Variants in ENY2 observed in about 807,000 individuals in gnomAD.
ENY2 encodes transcription and mRNA export factor ENY2.
In ENY2, 4 loss-of-function variants were observed where a neutral mutation model predicts 15.9. The ratio of observed to expected loss-of-function variants is 0.25; its 90% CI spans 0.12 to 0.57. The LOEUF (loss-of-function observed/expected upper bound fraction) is 0.57. Ranked by LOEUF, ENY2 falls within the 20% of genes least tolerant of loss-of-function variation. The probability of loss-of-function intolerance (pLI) is 0.91; values close to 1 mark genes in which losing one functional copy is unlikely to be tolerated. For synonymous variants in ENY2, 48 were observed against 38.0 expected (o/e 1.26, Z -0.97); for missense variants, 54 against 117.2 (o/e 0.46, Z 2.49).
intron 4 of ENY2, chr8:109,340,805 G>A (rs964531015): frequency 3.2e-5 from 13 of 403,146 alleles, no homozygotes; most frequent in African/African-American, 2.3e-4. Flanking sequence ...AGTTGTTCAA[G>A]CAAATAATTT....
At chr8:109,334,812 C>T (rs1160748110) in intron 1 of ENY2, 3 of 393,764 alleles carry the variant, frequency 7.6e-6, no homozygotes, top group South Asian at 4.1e-5. Flanking sequence ...GGAGCCAAGA[C>T]GAGATCAAGT....
At position 109,334,377 on chromosome 8, in the gene ENY2, C is replaced by T. The variant is rs1586322433; in HGVS notation, c.-92C>T. Reference sequence around the variant, plus strand: ...CTTAGGTGCCCGAGCTACTGAGGGTCTAAGTCCGGGCAGCCGAAGAGTGTG... The same window carrying T: ...CTTAGGTGCCCGAGCTACTGAGGGTTTAAGTCCGGGCAGCCGAAGAGTGTG... On this transcript the variant is annotated 5_prime_UTR_variant, in exon 1 of 5. Transcript: ENST00000521688. 2.5e-6 allele frequency: 4 copies of T among 1,586,976 alleles called. No homozygotes were observed. The Admixed American group carries it at 5.1e-5, about 20-fold the overall frequency.
intron 2 of ENY2, 134 bp from the exon 3 acceptor site, chr8:109,339,186 C>A: frequency 2.9e-6 from 2 of 686,344 alleles, no homozygotes; most frequent in Non-Finnish European, 2.5e-6. Context: ...GCATTTGAAC[C>A]AAGATTAGGC....
In ENY2 at chr8:109,334,354, T is replaced by C. The variant is rs1815900925; in HGVS notation, c.-115T>C. The C allele has an allele frequency of 2.7e-6, 4 of 1,487,962 alleles. No homozygotes were observed. In the South Asian group the frequency reaches 3.5e-5, roughly 13 times the overall value. The allele number at this position is 1,487,962 out of a possible 1,614,324, so 92.2% of individuals were successfully genotyped here. The stretch of plus-strand genomic sequence containing the variant: ...TGCGTGTTCTAGCTTTCTGTGTGCT[T>C]AGGTGCCCGAGCTACTGAGGGTCTA... On this transcript the variant is annotated 5_prime_UTR_variant, in exon 1 of 5. Coordinates refer to ENST00000521688, the MANE Select transcript of ENY2 (RefSeq NM_020189.6).
At chr8:109,340,705 T>G in intron 4 of ENY2, 142 bp downstream of exon 4, 1 of 965,224 alleles carries the variant, frequency 1.0e-6, no homozygotes, top group South Asian at 1.7e-5. Context: ...ATTGCCTACC[T>G]GCCTCCTAGC....
intron 4 of ENY2, 36 bp from the exon 5 acceptor site, chr8:109,343,369 C>CCTTCTTACT (rs780398751): frequency 6.5e-7 from 1 of 1,528,992 alleles, no homozygotes. Context: ...TTAATTGGTA[C>CCTTCTTACT]CTTCTTACTC....
At chr8:109,335,824 C>A in intron 1 of ENY2, 1 of 200,226 alleles carries the variant, frequency 5.0e-6, no homozygotes, top group East Asian at 1.1e-4. Flanking sequence ...TTTGCCTTTC[C>A]ACTTTCTATC....
intron 2 of ENY2, 143 bp downstream of exon 2, chr8:109,336,347 A>G (rs1414065437): frequency 1.3e-6 from 1 of 758,592 alleles, no homozygotes; most frequent in African/African-American, 1.8e-5. Context: ...ATCTGGAAAA[A>G]ATAATTTAGG....
intron 1 of ENY2, chr8:109,335,075 T>G (rs1307808525): frequency 6.6e-6 from 1 of 152,268 alleles, no homozygotes; most frequent in Non-Finnish European, 1.5e-5. Flanking sequence ...ACGCCAAGTT[T>G]TATTTAATTT....
intron 4 of ENY2, 35 bp from the exon 5 acceptor site, chr8:109,343,370 C>A: frequency 1.9e-6 from 3 of 1,543,428 alleles, no homozygotes; most frequent in Non-Finnish European, 2.7e-6. Flanking sequence ...TAATTGGTAC[C>A]TTCTTACTCT....
At chr8:109,341,673 G>A (rs1421319111) in intron 4 of ENY2, among the ~76,000 whole-genome samples, 4 of 152,104 alleles carry the variant, frequency 2.6e-5, no homozygotes, top group Non-Finnish European at 4.4e-5. Context: ...GCAAATAAAA[G>A]AGAAGTAAAA....
At chr8:109,339,282 A>T in intron 2 of ENY2, 38 bp from the exon 3 acceptor site, 1 of 1,583,866 alleles carries the variant, frequency 6.3e-7, no homozygotes, top group Non-Finnish European at 8.7e-7. Context: ...CTAAGATGTT[A>T]TACATTGTTC....
intron 1 of ENY2, 118 bp from the exon 2 acceptor site, chr8:109,336,010 G>A (rs1815973810): frequency 1.2e-6 from 1 of 851,240 alleles, no homozygotes; most frequent in African/African-American, 1.7e-5. Flanking sequence ...TAACACACTT[G>A]AAATGTATCA....
chr8:109,343,229 G>A (rs557065456), intron 4 of ENY2, among the ~76,000 whole-genome samples, 176 bp from the exon 5 acceptor site: 1 of 152,210 alleles, frequency 6.6e-6, no homozygotes, highest in East Asian at 1.9e-4. Flanking sequence ...CATTTAAAAT[G>A]ATGAATTGCA....
chr8:109,334,393 G>A lies in ENY2; in HGVS notation c.-76G>A. ...ACTGAGGGTCTAAGTCCGGGCAGCC[G>A]AAGAGTGTGGTAGGTAACGGTCCTC... On this transcript the variant is annotated 5_prime_UTR_variant, in exon 1 of 5. Coordinates refer to ENST00000521688, the MANE Select transcript of ENY2 (RefSeq NM_020189.6). The A allele has an allele frequency of 6.2e-7, 1 of 1,608,552 alleles. No individual in the cohort carries two copies. The highest frequency in any genetic ancestry group is 8.5e-7 in the Non-Finnish European group (1 of 1,176,576).
At chr8:109,342,922 T>C (rs867083475) in intron 4 of ENY2, 90 of 495,122 alleles carry the variant, frequency 1.8e-4, no homozygotes, top group Middle Eastern at 3.9e-4. Context: ...TCAAAAACTC[T>C]CCTTTTCTTC....
intron 2 of ENY2, among the ~76,000 whole-genome samples, chr8:109,336,945 A>G (rs551348839): frequency 1.6e-4 from 25 of 152,092 alleles, no homozygotes; most frequent in African/African-American, 5.8e-4. Context: ...GAAGAGGCAA[A>G]TATGTATAAG....
At chr8:109,341,292 T>G (rs1196513138) in intron 4 of ENY2, among the ~76,000 whole-genome samples, 2 of 152,136 alleles carry the variant, frequency 1.3e-5, no homozygotes, top group Non-Finnish European at 2.9e-5. Flanking sequence ...AATTTAAGTG[T>G]AAAAAGTAAA....
At chr8:109,339,081 C>T (rs867529083) in intron 2 of ENY2, 1 of 537,692 alleles carries the variant, frequency 1.9e-6, no homozygotes, top group African/African-American at 1.9e-5. Flanking sequence ...GTATTTTAGC[C>T]CCTCCACTTC....
Sources: gnomAD v4.1 joint callset for allele counts (sites outside exome capture counted in the v4.1 genomes callset) on GRCh38, gnomAD v4.1.1 for gene constraint, MANE v1.5 for transcripts, NCBI Gene and HGNC (gene_info 2026-07-23, HGNC 2026-07-21) for gene names.